ITFG1: variants seen among roughly 807,000 people sequenced by gnomAD.
ITFG1 encodes T-cell immunomodulatory protein.
Under a neutral mutation model 81.8 loss-of-function variants are expected in ITFG1, and 34 were observed. That is an observed-to-expected ratio of 0.42 (90% CI 0.32 to 0.55). The LOEUF is 0.55. ITFG1 is among the 20% of genes least tolerant of loss of function. The pLI is 0.17. For synonymous variants in ITFG1, 285 were observed against 270.6 expected (o/e 1.05, Z -0.52); for missense variants, 672 against 755.4 (o/e 0.89, Z 1.29).
chr16:47,440,189 G>C (rs1363156403), intron 5 of ITFG1, among the ~76,000 whole-genome samples: 2 of 152,152 alleles, frequency 1.3e-5, no homozygotes, highest in Non-Finnish European at 1.5e-5. Flanking sequence ...CATAAAGCAA[G>C]TCCTTAGTGA....
intron 10 of ITFG1, among the ~76,000 whole-genome samples, chr16:47,294,372 G>A (rs1344687492): frequency 3.3e-5 from 5 of 152,104 alleles, no homozygotes; most frequent in Admixed American, 2.6e-4. Context: ...ATTTTAGGAT[G>A]TTTTTTCTAA....
chr16:47,423,811 C>T (rs1002919852), intron 6 of ITFG1, among the ~76,000 whole-genome samples: 6 of 151,148 alleles, frequency 4.0e-5, no homozygotes, highest in African/African-American at 1.2e-4. Flanking sequence ...TTAGTCTGAT[C>T]GGCTTCCCTT....
At chr16:47,423,738 G>GATT (rs1378907899) in intron 6 of ITFG1, among the ~76,000 whole-genome samples, 1 of 151,686 alleles carries the variant, frequency 6.6e-6, no homozygotes, top group African/African-American at 2.4e-5. Flanking sequence ...AATTCTTTAA[G>GATT]AATGTTGAAC....
At chr16:47,215,021 G>A (rs909786939) in intron 14 of ITFG1, among the ~76,000 whole-genome samples, 1 of 151,758 alleles carries the variant, frequency 6.6e-6, no homozygotes, top group Non-Finnish European at 1.5e-5. Context: ...GATGTACTCT[G>A]ATCAATAGAT....
At chr16:47,441,301 A>C (rs567449758) in intron 5 of ITFG1, among the ~76,000 whole-genome samples, 1 of 152,316 alleles carries the variant, frequency 6.6e-6, no homozygotes, top group South Asian at 2.1e-4. Context: ...TCAATAGAAA[A>C]AGAGGGAATC....
intron 10 of ITFG1, among the ~76,000 whole-genome samples, chr16:47,267,364 T>A (rs1366849135): frequency 6.6e-6 from 1 of 152,124 alleles, no homozygotes; most frequent in East Asian, 1.9e-4. Flanking sequence ...CTAGAGAACA[T>A]AAGAATCCTA....
At chr16:47,255,209 A>G (rs1966125797) in intron 12 of ITFG1, among the ~76,000 whole-genome samples, 2 of 152,254 alleles carry the variant, frequency 1.3e-5, no homozygotes, top group Admixed American at 1.3e-4. Context: ...AATTTAATGT[A>G]TATTTTTGAA....
chr16:47,278,901 A>C lies in ITFG1; in HGVS notation c.1071-18206T>G, dbSNP rs532971520. On this transcript the variant is annotated intron_variant, in intron 10 of 17. Transcript: ENST00000320640. ...TTAAGCAATGGTGAATACTTATGAA[A>C]GACTTGAAATTCTTACATTTCTTCT... is the stretch of plus-strand genomic sequence containing the variant. 6.6e-5 allele frequency among the ~76,000 whole-genome samples: 10 copies of C among 152,372 alleles called. No individual in the cohort carries two copies. In the South Asian group the frequency reaches 2.1e-3, roughly 32 times the overall value.
intron 8 of ITFG1, among the ~76,000 whole-genome samples, chr16:47,327,707 C>CA (rs1243883291): frequency 6.6e-6 from 1 of 152,002 alleles, no homozygotes; most frequent in Non-Finnish European, 1.5e-5. Flanking sequence ...TTTATGCAGC[C>CA]AAAAAACACA....
At chr16:47,285,376 C>A (rs1462072828) in intron 10 of ITFG1, among the ~76,000 whole-genome samples, 1 of 152,174 alleles carries the variant, frequency 6.6e-6, no homozygotes, top group African/African-American at 2.4e-5. Flanking sequence ...CTATGCCTCT[C>A]TTCATCTATA....
At chr16:47,319,607 A>G (rs908792284) in intron 8 of ITFG1, among the ~76,000 whole-genome samples, 1 of 152,068 alleles carries the variant, frequency 6.6e-6, no homozygotes, top group African/African-American at 2.4e-5. Flanking sequence ...ACTTACTAAA[A>G]TTATTGTTTT....
In ITFG1 at chr16:47,399,136, A is replaced by G. The variant is rs1596957538; in HGVS notation, c.656-23196T>C. 2.0e-5 allele frequency among the ~76,000 whole-genome samples: 3 copies of G among 152,366 alleles called. No homozygotes were observed. The South Asian group carries it at 6.2e-4, about 32-fold the overall frequency. ...TAACTGGTATCATCTACTAATAGAT[A>G]ATAAATTCAGCAAAAATGAGATAAA... On this transcript the variant is annotated intron_variant, in intron 6 of 17. Coordinates refer to ENST00000320640, the MANE Select transcript of ITFG1 (RefSeq NM_030790.5).
chr16:47,174,904 A>C (rs1276796961), intron 14 of ITFG1, among the ~76,000 whole-genome samples: 3 of 152,358 alleles, frequency 2.0e-5, no homozygotes, highest in Admixed American at 2.0e-4. Flanking sequence ...GTCAAGGAAA[A>C]ATGATATCTC....
intron 15 of ITFG1, among the ~76,000 whole-genome samples, chr16:47,162,249 G>A (rs1020191618): frequency 1.3e-5 from 2 of 151,782 alleles, no homozygotes; most frequent in African/African-American, 4.8e-5. Context: ...AAATATTTAT[G>A]TACACGTTAG....
intron 10 of ITFG1, among the ~76,000 whole-genome samples, chr16:47,291,495 T>G (rs978426938): frequency 6.6e-6 from 1 of 152,224 alleles, no homozygotes; most frequent in Non-Finnish European, 1.5e-5. Flanking sequence ...TCCACCGACA[T>G]GGAAAGTGTT....
At chr16:47,178,918 A>T (rs1965064094) in intron 14 of ITFG1, among the ~76,000 whole-genome samples, 1 of 152,232 alleles carries the variant, frequency 6.6e-6, no homozygotes, top group East Asian at 1.9e-4. Context: ...TGGGCAAAGG[A>T]TATGAACAGA....
At chr16:47,365,325 G>A (rs373924844) in intron 8 of ITFG1, among the ~76,000 whole-genome samples, 2 of 152,216 alleles carry the variant, frequency 1.3e-5, no homozygotes, top group Non-Finnish European at 2.9e-5. Flanking sequence ...AGAATCTTAC[G>A]GAAAACAGAA....
At chr16:47,273,914 T>C (rs1176170703) in intron 10 of ITFG1, among the ~76,000 whole-genome samples, 1 of 152,072 alleles carries the variant, frequency 6.6e-6, no homozygotes, top group Non-Finnish European at 1.5e-5. Context: ...AAAATATTCA[T>C]TAGCTCATAA....
chr16:47,346,190 A>G (rs1967852736), intron 8 of ITFG1, among the ~76,000 whole-genome samples: 2 of 152,214 alleles, frequency 1.3e-5, no homozygotes, highest in African/African-American at 4.8e-5. Context: ...GTAGGCTGCA[A>G]AACAAGTCTT....
Sources: allele counts gnomAD v4.1 joint callset (sites outside exome capture counted in the v4.1 genomes callset), GRCh38; gene constraint gnomAD v4.1.1; transcripts MANE v1.5; gene names NCBI Gene and HGNC (gene_info 2026-07-23, HGNC 2026-07-21).